FHIT: variants seen among roughly 807,000 people sequenced by gnomAD.
FHIT encodes bis(5'-adenosyl)-triphosphatase.
A neutral mutation model predicts 17.9 loss-of-function variants in FHIT; 19 were observed. The observed-to-expected ratio is 1.06, with a 90% CI of 0.74 to 1.56. The LOEUF is 1.56. Among genes scored for constraint, FHIT ranks in the 40% most tolerant of loss-of-function variants. The probability of loss-of-function intolerance (pLI) is 0.00; values close to 1 mark genes in which losing one functional copy is unlikely to be tolerated. For missense variants in FHIT, 248 were observed against 189.2 expected (o/e 1.31, Z -1.82); for synonymous variants, 81 against 69.7 (o/e 1.16, Z -0.81).
At chr3:60,133,558 G>C (rs575967260) in intron 5 of FHIT, among the ~76,000 whole-genome samples, 8 of 152,116 alleles carry the variant, frequency 5.3e-5, no homozygotes, top group African/African-American at 1.7e-4. Context: ...GGCCCCTGTG[G>C]TTCAATTCTT....
At chr3:60,698,129 C>T (rs1158377860) in intron 4 of FHIT, among the ~76,000 whole-genome samples, 2 of 152,106 alleles carry the variant, frequency 1.3e-5, no homozygotes, top group African/African-American at 4.8e-5. Context: ...TTTGTAAAAG[C>T]CAGAGTCTTT....
intron 3 of FHIT, among the ~76,000 whole-genome samples, chr3:60,855,263 G>A (rs1703333990): frequency 6.6e-6 from 1 of 152,072 alleles, no homozygotes; most frequent in Non-Finnish European, 1.5e-5. Flanking sequence ...CCATTGATTG[G>A]TATTCAGTAG....
At position 61,049,518 on chromosome 3, in the gene FHIT, C is replaced by A. The variant is rs536149590; in HGVS notation, c.-163-7419G>T. Among the ~76,000 whole-genome samples, 5 of 152,142 alleles carry A rather than the reference C, an allele frequency of 3.3e-5. No individual in the cohort carries two copies. In the South Asian group the frequency reaches 1.0e-3, roughly 32 times the overall value. On this transcript the variant is annotated intron_variant, in intron 2 of 9. Transcript: ENST00000492590. ...GTAAGCATGATAGGGAACTTGGTAA[C>A]AGAACAGTCTGACAATACCTGAATG...
At chr3:61,109,971 T>A (rs1023232626) in intron 2 of FHIT, among the ~76,000 whole-genome samples, 3 of 152,098 alleles carry the variant, frequency 2.0e-5, no homozygotes, top group African/African-American at 7.2e-5. Flanking sequence ...ACCTCCAAAA[T>A]CAAGCCACCA....
chr3:60,279,618 A>G (rs563562410), intron 5 of FHIT, among the ~76,000 whole-genome samples: 12 of 152,318 alleles, frequency 7.9e-5, no homozygotes, highest in Admixed American at 2.6e-4. Context: ...ATTAAAAGAA[A>G]GAAAAACTAG....
chr3:60,470,457 T>G (rs746929207), intron 5 of FHIT, among the ~76,000 whole-genome samples: 1 of 151,940 alleles, frequency 6.6e-6, no homozygotes, highest in Non-Finnish European at 1.5e-5. Context: ...TCCCTCTCCT[T>G]TCCTCAAGCA....
At chr3:61,010,269 A>C (rs571879759) in intron 3 of FHIT, among the ~76,000 whole-genome samples, 6 of 152,106 alleles carry the variant, frequency 3.9e-5, no homozygotes, top group Admixed American at 1.3e-4. Context: ...TTATATTTGT[A>C]TCAAACTGTA....
intron 5 of FHIT, among the ~76,000 whole-genome samples, chr3:60,492,853 A>G (rs2034125638): frequency 6.6e-6 from 1 of 152,136 alleles, no homozygotes; most frequent in South Asian, 2.1e-4. Flanking sequence ...CAAAAGATTT[A>G]GTGCATTCAT....
At chr3:60,718,170 C>G (rs2041729535) in intron 4 of FHIT, among the ~76,000 whole-genome samples, 1 of 150,890 alleles carries the variant, frequency 6.6e-6, no homozygotes, top group Non-Finnish European at 1.5e-5. Context: ...AAGGTTTTAT[C>G]TTATGCAAGA....
At chr3:60,264,330 G>C (rs1271321897) in intron 5 of FHIT, among the ~76,000 whole-genome samples, 4 of 151,898 alleles carry the variant, frequency 2.6e-5, no homozygotes, top group African/African-American at 7.2e-5. Flanking sequence ...AATACATTTA[G>C]CCATGCACTC....
chr3:60,000,844 C>T (rs1281247029), intron 7 of FHIT, among the ~76,000 whole-genome samples: 4 of 152,192 alleles, frequency 2.6e-5, no homozygotes, highest in Non-Finnish European at 5.9e-5. Context: ...TCCCCGCCCA[C>T]TCTTCCCACT....
intron 5 of FHIT, among the ~76,000 whole-genome samples, chr3:60,089,042 C>T (rs1238757325): frequency 6.6e-6 from 1 of 152,138 alleles, no homozygotes; most frequent in Non-Finnish European, 1.5e-5. Flanking sequence ...TGGAGGACCC[C>T]AACGCTAATG....
intron 5 of FHIT, among the ~76,000 whole-genome samples, chr3:60,431,801 C>A (rs1702917248): frequency 6.6e-6 from 1 of 152,078 alleles, no homozygotes; most frequent in Non-Finnish European, 1.5e-5. Context: ...ATGTCCAGCT[C>A]AGAGTCTTCT....
chr3:60,861,114 C>A (rs1703792341), intron 3 of FHIT, among the ~76,000 whole-genome samples: 1 of 75,828 alleles, frequency 1.3e-5, no homozygotes, highest in African/African-American at 4.8e-5. Flanking sequence ...ACACATATAT[C>A]CTATATGTGT....
chr3:61,200,889 C>T (rs572976644), intron 1 of FHIT, among the ~76,000 whole-genome samples: 44 of 152,284 alleles, frequency 2.9e-4, no homozygotes, highest in Non-Finnish European at 4.3e-4. Context: ...AGCACACAAA[C>T]CTTGGCCAAA....
intron 7 of FHIT, among the ~76,000 whole-genome samples, chr3:59,984,652 G>C (rs1708813379): frequency 6.6e-6 from 1 of 152,000 alleles, no homozygotes; most frequent in East Asian, 1.9e-4. Flanking sequence ...TGGAACCAAG[G>C]CACACAGCCT....
chr3:61,122,585 A>G (rs1245881369), intron 2 of FHIT, among the ~76,000 whole-genome samples: 5 of 152,344 alleles, frequency 3.3e-5, no homozygotes, highest in African/African-American at 9.6e-5. Context: ...AGAATGGGAG[A>G]AAGTTTTTGC....
At chr3:60,540,883 A>G (rs962165699) in intron 4 of FHIT, among the ~76,000 whole-genome samples, 1 of 152,150 alleles carries the variant, frequency 6.6e-6, no homozygotes, top group Non-Finnish European at 1.5e-5. Flanking sequence ...CCAGCTCATT[A>G]AAAACCCAAC....
At chr3:60,133,890 C>T (rs990453799) in intron 5 of FHIT, among the ~76,000 whole-genome samples, 3 of 149,894 alleles carry the variant, frequency 2.0e-5, no homozygotes, top group Admixed American at 6.6e-5. Flanking sequence ...TTCCCCTTCC[C>T]TTGAAAAAAA....
Sources: gnomAD v4.1 joint callset for allele counts (sites outside exome capture counted in the v4.1 genomes callset) on GRCh38, gnomAD v4.1.1 for gene constraint, MANE v1.5 for transcripts, NCBI Gene and HGNC (gene_info 2026-07-23, HGNC 2026-07-21) for gene names.